Variants in CADPS2 observed in about 807,000 individuals in gnomAD.
CADPS2 encodes calcium dependent secretion activator 2.
Under a neutral mutation model 172.5 loss-of-function variants are expected in CADPS2, and 93 were observed. That is an observed-to-expected ratio of 0.54 (90% CI 0.46 to 0.64). The LOEUF (loss-of-function observed/expected upper bound fraction) is 0.64. Among genes scored for constraint, CADPS2 ranks in the 30% least tolerant of loss-of-function variants. The pLI is 0.00. For synonymous variants in CADPS2, 546 were observed against 555.2 expected, an observed-to-expected ratio of 0.98 and a Z score of 0.23; for missense variants, 1,420 against 1,565.9, an observed-to-expected ratio of 0.91 and a Z score of 1.57.
intron 1 of CADPS2, among the ~76,000 whole-genome samples, chr7:122,754,637 C>T (rs188486189): frequency 1.3e-5 from 2 of 151,994 alleles, no homozygotes; most frequent in African/African-American, 2.4e-5. Flanking sequence ...CCATCACGCC[C>T]GGCGAATTTT....
chr7:122,447,165 G>A (rs2052364407), intron 15 of CADPS2, among the ~76,000 whole-genome samples: 1 of 148,194 alleles, frequency 6.7e-6, no homozygotes, highest in Non-Finnish European at 1.5e-5. Flanking sequence ...CATTACATTA[G>A]TTATGAGAAT....
intron 4 of CADPS2, among the ~76,000 whole-genome samples, chr7:122,628,490 A>AAGCAGAAAG (rs1394993927): frequency 1.9e-4 from 29 of 152,068 alleles, no homozygotes; most frequent in African/African-American, 7.0e-4. Context: ...AGTTTTTGCT[A>AAGCAGAAAG]AGCAGAAAGG....
chr7:122,408,716 G>A lies in CADPS2; in HGVS notation c.2590-1020C>T, dbSNP rs141536031. Among the ~76,000 whole-genome samples the A allele has an allele frequency of 4.8e-3, 729 of 152,104 alleles. 5 individuals are homozygous for A. Among genetic ancestry groups the A allele is most frequent in the African/African-American group, 0.017 (691 of 41,496 alleles). ...TGCTGAGATTACTGGTGTAAGCCAC[G>A]GCACCTGGCTTCAAATATGAATTGG... On this transcript the variant is annotated intron_variant, in intron 19 of 29. Transcript: ENST00000449022.
At position 122,723,342 on chromosome 7, in the gene CADPS2, A is replaced by G. The variant is rs550497820; in HGVS notation, c.453+13613T>C. On this transcript the variant is annotated intron_variant, in intron 2 of 29. Coordinates refer to ENST00000449022, the MANE Select transcript of CADPS2 (RefSeq NM_017954.11). ...CTCAAACAAATTTACAAGAAAAAAA[A>G]CAACCCCATCAAAAAGTGGGCAAAG... 2.1e-4 allele frequency among the ~76,000 whole-genome samples: 32 copies of G among 152,136 alleles called. No individual in the cohort carries two copies. The South Asian group carries it at 6.6e-3, about 32-fold the overall frequency.
chr7:122,597,773 G>A (rs372608055), intron 6 of CADPS2, among the ~76,000 whole-genome samples: 2 of 151,996 alleles, frequency 1.3e-5, no homozygotes, highest in Non-Finnish European at 2.9e-5. Context: ...ATCAAGTAAC[G>A]TATCTGATAT....
chr7:122,750,806 A>G (rs1329844717), intron 1 of CADPS2, among the ~76,000 whole-genome samples: 1 of 152,144 alleles, frequency 6.6e-6, no homozygotes, highest in Admixed American at 6.6e-5. Context: ...TTTTGAAAAG[A>G]GTGGCCTGGA....
intron 7 of CADPS2, among the ~76,000 whole-genome samples, chr7:122,565,736 C>T (rs1375194618): frequency 6.6e-6 from 1 of 152,158 alleles, no homozygotes; most frequent in Non-Finnish European, 1.5e-5. Context: ...TACATATTTA[C>T]ACTATACAAC....
intron 20 of CADPS2, among the ~76,000 whole-genome samples, chr7:122,398,959 T>A (rs555111970): frequency 6.4e-4 from 98 of 152,274 alleles, no homozygotes; most frequent in African/African-American, 2.3e-3. Context: ...CTGGATTCTA[T>A]TGTCCTTTTA....
chr7:122,848,277 G>T (rs557966239), intron 1 of CADPS2, among the ~76,000 whole-genome samples: 1 of 152,144 alleles, frequency 6.6e-6, no homozygotes, highest in Admixed American at 6.5e-5. Context: ...CTTCCTCTGC[G>T]ACAGAGCCCA....
chr7:122,602,057 T>C (rs1385035677), intron 6 of CADPS2, among the ~76,000 whole-genome samples: 1 of 151,978 alleles, frequency 6.6e-6, no homozygotes, highest in Non-Finnish European at 1.5e-5. Context: ...ATATAAATAA[T>C]AGTGTCTCAG....
intron 27 of CADPS2, among the ~76,000 whole-genome samples, chr7:122,351,442 C>CTT (rs377471393): frequency 8.1e-6 from 1 of 124,058 alleles, no homozygotes; most frequent in African/African-American, 3.0e-5. Flanking sequence ...AGCCAGTTAA[C>CTT]TTTTTTTTTT....
At chr7:122,477,053 AGAGAGAG>A (rs1180413713) in intron 12 of CADPS2, among the ~76,000 whole-genome samples, 1 of 24,242 alleles carries the variant, frequency 4.1e-5, no homozygotes, top group Non-Finnish European at 7.6e-5. Flanking sequence ...GAGAGAGAGA[AGAGAGAG>A]AGAGAGAGAG....
intron 25 of CADPS2, among the ~76,000 whole-genome samples, chr7:122,369,124 GTTTCC>G (rs1156693601): frequency 1.7e-4 from 6 of 34,560 alleles, no homozygotes; most frequent in Admixed American, 1.2e-3. Context: ...AAGAATTTTT[GTTTCC>G]CCCCCCCCCC....
rs1564125107 is a variant in CADPS2 at position 122,705,929 on chromosome 7, A to AT, written c.453+31025_453+31026insA. Among the ~76,000 whole-genome samples, 2 of 10,804 alleles carry AT rather than the reference A, an allele frequency of 1.9e-4. 1 individual carries two copies. The highest frequency in any genetic ancestry group is 7.5e-4 in the African/African-American group (2 of 2,652). The allele number at this position is 10,804 out of a possible 152,430, so 7.1% of individuals were successfully genotyped here. ...TAATATATTATATAATATAATATAT[A>AT]ATATATTATATAATATAATATATAA... On this transcript the variant is annotated intron_variant, in intron 2 of 29. Transcript: ENST00000449022.
At chr7:122,626,524 G>A (rs549503312) in intron 4 of CADPS2, among the ~76,000 whole-genome samples, 1 of 152,056 alleles carries the variant, frequency 6.6e-6, no homozygotes, top group Non-Finnish European at 1.5e-5. Context: ...ACTGAAAACT[G>A]TAACCACCCA....
intron 9 of CADPS2, among the ~76,000 whole-genome samples, chr7:122,498,526 TA>T (rs2058942924): frequency 6.6e-6 from 1 of 152,162 alleles, no homozygotes; most frequent in Non-Finnish European, 1.5e-5. Context: ...TCTTTATGTA[TA>T]TTTTTTTCAC....
intron 28 of CADPS2, among the ~76,000 whole-genome samples, chr7:122,326,648 C>T (rs1041772966): frequency 3.9e-5 from 6 of 151,942 alleles, no homozygotes; most frequent in Admixed American, 3.3e-4. Flanking sequence ...TGTGTGCATA[C>T]GTTCTAAAGA....
At chr7:122,850,325 A>G (rs1402905490) in intron 1 of CADPS2, 4 of 462,998 alleles carry the variant, frequency 8.6e-6, no homozygotes, top group Middle Eastern at 3.3e-4. Flanking sequence ...CAATGCAGAC[A>G]TGGACTTCTC....
At chr7:122,744,275 G>A (rs940597375) in intron 1 of CADPS2, among the ~76,000 whole-genome samples, 1 of 152,178 alleles carries the variant, frequency 6.6e-6, no homozygotes, top group African/African-American at 2.4e-5. Context: ...ACACCACAGA[G>A]TGGAGCAGCA....
Sources: gnomAD v4.1 joint callset for allele counts (sites outside exome capture counted in the v4.1 genomes callset) on GRCh38, gnomAD v4.1.1 for gene constraint, MANE v1.5 for transcripts, NCBI Gene and HGNC (gene_info 2026-07-23, HGNC 2026-07-21) for gene names.